Variants in KDM1A observed in about 807,000 individuals in gnomAD.
The protein encoded by KDM1A is lysine demethylase 1A, also known as lysine-specific histone demethylase 1A.
KDM1A carries 49 observed loss-of-function variants against 109.4 expected under a neutral mutation model. The observed-to-expected ratio is 0.45, with a 90% CI of 0.36 to 0.57. The LOEUF is 0.57. Ranked by LOEUF, KDM1A falls within the 20% of genes least tolerant of loss-of-function variation. The pLI is 0.00. For synonymous variants in KDM1A, 380 were observed against 415.4 expected (o/e 0.91, Z 1.04); for missense variants, 668 against 1,116.6 (o/e 0.60, Z 5.73).
At chr1:23,075,917 A>G (rs1426247697) in intron 15 of KDM1A, among the ~76,000 whole-genome samples, 2 of 152,220 alleles carry the variant, frequency 1.3e-5, no homozygotes, top group African/African-American at 2.4e-5. Flanking sequence ...ACTGCACTGC[A>G]GCCTGGGCAA....
rs770094248 is a variant in KDM1A, at chr1:23,019,836, C to T, written c.240C>T (p.Ser80=). ...GGGGCCTGGCGGAACCGCCGGGGTC[C>T]GCAGGGCCTCAGGCCGGCCCTACTG... The part of the protein sequence containing the change: ...PPGGLAEPPG[S]AGPQAGPTVV... Residue 80 remains serine, a synonymous_variant, in exon 1 of 21, where the codon TCC becomes TCT. Transcript: ENST00000400181. 1.4e-5 allele frequency: 21 copies of T among 1,452,504 alleles called. No homozygotes were observed. The highest frequency in any genetic ancestry group is 1.8e-4 in the Middle Eastern group (1 of 5,614). The allele number at this position is 1,452,504 out of a possible 1,614,324, so 90.0% of individuals were successfully genotyped here. A position where few individuals can be genotyped will look rare whatever the true frequency, so the allele number is the denominator to read the frequency against.
At chr1:23,063,254 G>A (rs1460095517) in intron 9 of KDM1A, among the ~76,000 whole-genome samples, 1 of 130,530 alleles carries the variant, frequency 7.7e-6, no homozygotes, top group South Asian at 2.5e-4. Flanking sequence ...GTGTGTGTGT[G>A]TACCAGCTGA....
intron 9 of KDM1A, among the ~76,000 whole-genome samples, chr1:23,063,233 T>G (rs1332697812): frequency 1.7e-4 from 15 of 85,990 alleles, no homozygotes; most frequent in Admixed American, 3.5e-4. Context: ...TGTGTGTGGG[T>G]GTGTGTGTGT....
At chr1:23,030,709 A>G (rs932661854) in intron 2 of KDM1A, 75 bp downstream of exon 2, 11 of 1,397,434 alleles carry the variant, frequency 7.9e-6, no homozygotes, top group East Asian at 4.7e-5. Flanking sequence ...CCATTTTGCA[A>G]TATTATTTAT....
chr1:23,054,642 A>G (rs1011274879), intron 5 of KDM1A, among the ~76,000 whole-genome samples: 2 of 151,924 alleles, frequency 1.3e-5, no homozygotes, highest in African/African-American at 2.4e-5. Flanking sequence ...ACAGTGATTT[A>G]TTTATTTTTT....
At chr1:23,045,531 C>A (rs1642477940) in intron 3 of KDM1A, among the ~76,000 whole-genome samples, 1 of 152,202 alleles carries the variant, frequency 6.6e-6, no homozygotes, top group African/African-American at 2.4e-5. Context: ...GAGTCTAGAT[C>A]TGTGGCATAT....
intron 10 of KDM1A, among the ~76,000 whole-genome samples, chr1:23,067,923 TAG>T (rs1643202268): frequency 6.6e-6 from 1 of 152,244 alleles, no homozygotes; most frequent in Non-Finnish European, 1.5e-5. Flanking sequence ...CATTTACTCA[TAG>T]ACTCTCTTAA....
chr1:23,047,921 A>AC (rs947644467), intron 3 of KDM1A, among the ~76,000 whole-genome samples: 13 of 151,544 alleles, frequency 8.6e-5, no homozygotes, highest in African/African-American at 2.7e-4. Flanking sequence ...AAAAAAAAAA[A>AC]CATCTGTAGT....
intron 1 of KDM1A, among the ~76,000 whole-genome samples, chr1:23,027,413 C>CT (rs34416518): frequency 0.59 from 67,998 of 115,266 alleles, 20,891 homozygotes; most frequent in Non-Finnish European, 0.67. Context: ...GTTTTGTTTG[C>CT]TTTTTTTTTT....
intron 2 of KDM1A, among the ~76,000 whole-genome samples, chr1:23,042,437 A>ATATTTT (rs1642364054): frequency 6.4e-5 from 2 of 31,158 alleles, no homozygotes; most frequent in Admixed American, 5.4e-4. Flanking sequence ...TATGAAATAT[A>ATATTTT]TTATTTTTTT....
At position 23,071,572 on chromosome 1, in the gene KDM1A, C is replaced by T. The variant is rs12409321; in HGVS notation, c.1548+213C>T. ...AGAATTCTTATCCTGTCTTAATAATCTCATCATTTTATCTTAAATCTCAAT... is the reference window on the plus strand; with the variant it reads ...AGAATTCTTATCCTGTCTTAATAATTTCATCATTTTATCTTAAATCTCAAT... On this transcript the variant is annotated intron_variant, in intron 13 of 20. Transcript: ENST00000400181. Among the ~76,000 whole-genome samples, 56,609 of 152,042 alleles carry T rather than the reference C, an allele frequency of 0.37. 12,926 individuals carry two copies. The highest frequency in any genetic ancestry group is 0.54 in the East Asian group (2,815 of 5,180).
rs753695962 is a variant in KDM1A, at chr1:23,056,048, T to A, written c.990+10T>A. On this transcript the variant is annotated intron_variant, in intron 7 of 20. Coordinates refer to ENST00000400181, the MANE Select transcript of KDM1A (RefSeq NM_001009999.3). ...ACTTTTGGAAGCCAGGGTAAGAATT[T>A]CATTTTGAGTTTAGAGGCTTGACCT... 6.3e-7 allele frequency: 1 copy of A among 1,576,942 alleles called. No individual in the cohort carries two copies. The highest frequency in any genetic ancestry group is 8.7e-7 in the Non-Finnish European group (1 of 1,146,626).
chr1:23,058,511 C>T lies in KDM1A; in HGVS notation c.1073-562C>T, dbSNP rs562579339. Among the ~76,000 whole-genome samples, 20 of 152,210 alleles carry T rather than the reference C, an allele frequency of 1.3e-4. No individual in the cohort carries two copies. The Middle Eastern group carries it at 0.01, about 78-fold the overall frequency. ...TAGTAGCTTTATGAGCCACAACGCCCGGCCTTGTTTGTTTTTAATAGAAAC... is the reference window on the plus strand; with the variant it reads ...TAGTAGCTTTATGAGCCACAACGCCTGGCCTTGTTTGTTTTTAATAGAAAC... On this transcript the variant is annotated intron_variant, in intron 8 of 20. Transcript: ENST00000400181.
chr1:23,040,435 G>A (rs769470738), intron 2 of KDM1A, among the ~76,000 whole-genome samples: 1 of 152,198 alleles, frequency 6.6e-6, no homozygotes, highest in Non-Finnish European at 1.5e-5. Context: ...AGGCTGTTAT[G>A]TAAGATAAAT....
chr1:23,048,500 A>G (rs1174867696), intron 3 of KDM1A, among the ~76,000 whole-genome samples: 2 of 152,082 alleles, frequency 1.3e-5, no homozygotes, highest in Non-Finnish European at 2.9e-5. Context: ...AGTTAAATGT[A>G]AGGATTGTTG....
At chr1:23,076,748 G>C (rs1178891435) in intron 15 of KDM1A, among the ~76,000 whole-genome samples, 3 of 152,012 alleles carry the variant, frequency 2.0e-5, no homozygotes, top group Non-Finnish European at 4.4e-5. Flanking sequence ...GAGGTGGGTG[G>C]GTCAGGAGTT....
At chr1:23,058,766 T>G (rs1450942774) in intron 8 of KDM1A, among the ~76,000 whole-genome samples, 7 of 152,196 alleles carry the variant, frequency 4.6e-5, no homozygotes, top group African/African-American at 1.4e-4. Flanking sequence ...ATGTCCACAA[T>G]ATATTGCTAA....
chr1:23,083,373 C>T lies in KDM1A; in HGVS notation c.*9C>T, dbSNP rs200640253. ...AGTCCCCAAGCATGTGAGACAGATG[C>T]ATTCTAAGGGAAGAGGCCCATGTGC... On this transcript the variant is annotated 3_prime_UTR_variant, in exon 21 of 21. Transcript: ENST00000400181. The T allele has an allele frequency of 1.7e-5, 27 of 1,607,132 alleles. No homozygotes were observed. The highest frequency in any genetic ancestry group is 2.0e-5 in the Non-Finnish European group (24 of 1,175,764).
chr1:23,030,183 TA>T (rs1026105480), intron 1 of KDM1A, among the ~76,000 whole-genome samples: 5 of 152,230 alleles, frequency 3.3e-5, no homozygotes, highest in Non-Finnish European at 7.3e-5. Flanking sequence ...TACACACAAT[TA>T]AAAAGGTTTT....
Sources: allele counts gnomAD v4.1 joint callset (sites outside exome capture counted in the v4.1 genomes callset), GRCh38; gene constraint gnomAD v4.1.1; transcripts MANE v1.5; gene names NCBI Gene and HGNC (gene_info 2026-07-23, HGNC 2026-07-21).